Variants in LHFPL6 observed in about 807,000 individuals in gnomAD.
The protein encoded by LHFPL6 is LHFPL tetraspan subfamily member 6.
Under a neutral mutation model 20.6 loss-of-function variants are expected in LHFPL6, and 9 were observed. The observed-to-expected ratio is 0.44, with a 90% CI of 0.26 to 0.76. The LOEUF (loss-of-function observed/expected upper bound fraction) is 0.76, where lower values mean the gene tolerates loss of function less well. Ranked by LOEUF, LHFPL6 falls within the 30% of genes least tolerant of loss-of-function variation. LHFPL6 has a pLI of 0.20. For synonymous variants in LHFPL6, 105 were observed against 98.7 expected (o/e 1.06, Z -0.38); for missense variants, 218 against 253.5 (o/e 0.86, Z 0.95).
intron 2 of LHFPL6, among the ~76,000 whole-genome samples, chr13:39,416,415 T>C (rs1871350347): frequency 6.6e-6 from 1 of 152,018 alleles, no homozygotes; most frequent in African/African-American, 2.4e-5. Flanking sequence ...GCCAATTCAT[T>C]CTCCAGTTCA....
intron 2 of LHFPL6, among the ~76,000 whole-genome samples, chr13:39,563,086 C>G (rs1871593854): frequency 1.1e-5 from 1 of 94,174 alleles, no homozygotes. Context: ...TGGGGCAATA[C>G]TAGAAACACA....
intron 2 of LHFPL6, among the ~76,000 whole-genome samples, chr13:39,519,429 G>A (rs1399768463): frequency 1.3e-5 from 2 of 152,096 alleles, no homozygotes; most frequent in African/African-American, 4.8e-5. Context: ...TGCTGACCAG[G>A]TCAGCATTAA....
intron 2 of LHFPL6, among the ~76,000 whole-genome samples, chr13:39,459,319 C>G (rs944443565): frequency 6.6e-6 from 1 of 151,478 alleles, no homozygotes; most frequent in Non-Finnish European, 1.5e-5. Flanking sequence ...TTCTTCTTTA[C>G]TCTTTCCTGT....
Position 39,470,015 on chromosome 13 carries a change from G to A in LHFPL6, c.386-91489C>T, listed in dbSNP as rs554719837. 2.4e-4 allele frequency among the ~76,000 whole-genome samples: 37 copies of A among 152,278 alleles called. 1 individual carries two copies. The South Asian group carries it at 7.7e-3, about 32-fold the overall frequency. ...GAAGATGTGAAGGAACATCAGGAAA[G>A]TACTGCAAGAAGCAATATGTATCTG... On this transcript the variant is annotated intron_variant, in intron 2 of 3. Coordinates refer to ENST00000379589, the MANE Select transcript of LHFPL6 (RefSeq NM_005780.3).
chr13:39,471,512 G>A (rs1223135094), intron 2 of LHFPL6, among the ~76,000 whole-genome samples: 1 of 152,154 alleles, frequency 6.6e-6, no homozygotes, highest in Non-Finnish European at 1.5e-5. Flanking sequence ...GCCCAACCAG[G>A]ACATTCTGTA....
At chr13:39,384,200 G>A (rs114540480) in intron 2 of LHFPL6, among the ~76,000 whole-genome samples, 1,611 of 152,256 alleles carry the variant, frequency 0.011, 32 homozygotes, top group African/African-American at 0.037. Context: ...TTATCTCGAA[G>A]CACAATTTAT....
At chr13:39,547,332 C>T (rs1046795747) in intron 2 of LHFPL6, among the ~76,000 whole-genome samples, 10 of 152,102 alleles carry the variant, frequency 6.6e-5, no homozygotes, top group Non-Finnish European at 5.9e-5. Flanking sequence ...CCACTCATTG[C>T]TCCATTCATC....
intron 2 of LHFPL6, among the ~76,000 whole-genome samples, chr13:39,433,266 C>A (rs1226089818): frequency 6.6e-6 from 1 of 152,122 alleles, no homozygotes; most frequent in Non-Finnish European, 1.5e-5. Flanking sequence ...GTATATTTAA[C>A]TCTAGCAAAC....
chr13:39,479,102 T>G, intron 2 of LHFPL6, among the ~76,000 whole-genome samples: 1 of 143,986 alleles, frequency 6.9e-6, no homozygotes, highest in Non-Finnish European at 1.5e-5. Flanking sequence ...GGTTGATCTC[T>G]ACCTATCTAT....
chr13:39,353,197 G>C (rs2138338923), intron 3 of LHFPL6, among the ~76,000 whole-genome samples: 1 of 151,002 alleles, frequency 6.6e-6, no homozygotes, highest in South Asian at 2.1e-4. Context: ...TGTTGGCCTG[G>C]CTGGTCTCAA....
At chr13:39,512,169 CCTT>C (rs891451064) in intron 2 of LHFPL6, among the ~76,000 whole-genome samples, 32 of 152,316 alleles carry the variant, frequency 2.1e-4, no homozygotes, top group African/African-American at 7.5e-4. Context: ...CCAAGCCTTA[CCTT>C]CTTCTTCCTG....
intron 2 of LHFPL6, among the ~76,000 whole-genome samples, chr13:39,554,769 T>C (rs1345790283): frequency 6.6e-6 from 1 of 152,226 alleles, no homozygotes; most frequent in Non-Finnish European, 1.5e-5. Context: ...TGCCCTTGGG[T>C]AGATCTGTCC....
At chr13:39,389,116 C>G (rs956878850) in intron 2 of LHFPL6, among the ~76,000 whole-genome samples, 13 of 152,166 alleles carry the variant, frequency 8.5e-5, no homozygotes, top group African/African-American at 3.1e-4. Context: ...GGGTTGCATT[C>G]CTGTCTGAAT....
At chr13:39,541,084 T>C (rs948910698) in intron 2 of LHFPL6, among the ~76,000 whole-genome samples, 3 of 152,124 alleles carry the variant, frequency 2.0e-5, no homozygotes, top group African/African-American at 4.8e-5. Flanking sequence ...TCTCCAGAAA[T>C]GTAGCCAGTG....
At chr13:39,393,199 T>C (rs2138372749) in intron 2 of LHFPL6, among the ~76,000 whole-genome samples, 1 of 152,330 alleles carries the variant, frequency 6.6e-6, no homozygotes, top group African/African-American at 2.4e-5. Context: ...TTTTAAAATA[T>C]ATTTGGCAGA....
intron 2 of LHFPL6, among the ~76,000 whole-genome samples, chr13:39,579,056 C>T (rs887629773): frequency 1.1e-4 from 17 of 152,190 alleles, no homozygotes; most frequent in African/African-American, 4.1e-4. Flanking sequence ...GTAGAATAAA[C>T]AAGACCGGGG....
chr13:39,545,556 G>A (rs1170464918), intron 2 of LHFPL6, among the ~76,000 whole-genome samples: 2 of 152,004 alleles, frequency 1.3e-5, no homozygotes, highest in Non-Finnish European at 2.9e-5. Context: ...AATAATAATA[G>A]TAGTACAGTC....
At chr13:39,575,328 G>T (rs1023596854) in intron 2 of LHFPL6, among the ~76,000 whole-genome samples, 1 of 152,090 alleles carries the variant, frequency 6.6e-6, no homozygotes, top group Non-Finnish European at 1.5e-5. Flanking sequence ...ACCCTTACTT[G>T]TATTTCAGAC....
rs576908563 is a variant in LHFPL6 at position 39,517,158 on chromosome 13, G to C, written c.385+83674C>G. On this transcript the variant is annotated intron_variant, in intron 2 of 3. Transcript: ENST00000379589. ...GAAAGAAAAATACTGTGGACCGTAG[G>C]GGGGTAATGAGAACTTCTGAATTAT... is the stretch of plus-strand genomic sequence containing the variant. 2.8e-3 allele frequency among the ~76,000 whole-genome samples: 423 copies of C among 152,270 alleles called. 1 individual carries two copies. Among genetic ancestry groups the C allele is most frequent in the Middle Eastern group, 0.014 (4 of 294 alleles).
Sources: gnomAD v4.1 joint callset for allele counts (sites outside exome capture counted in the v4.1 genomes callset) on GRCh38, gnomAD v4.1.1 for gene constraint, MANE v1.5 for transcripts, NCBI Gene and HGNC (gene_info 2026-07-23, HGNC 2026-07-21) for gene names.